The following SEMA5B variants were observed in gnomAD, a reference collection of about 807,000 sequenced individuals.
SEMA5B encodes the protein semaphorin-5B.
Under a neutral mutation model 135.0 loss-of-function variants are expected in SEMA5B, and 66 were observed. That is an observed-to-expected ratio of 0.49 (90% CI 0.40 to 0.60). The LOEUF (loss-of-function observed/expected upper bound fraction) is 0.60, where lower values mean the gene tolerates loss of function less well. Ranked by LOEUF, SEMA5B falls within the 20% of genes least tolerant of loss-of-function variation. The probability of loss-of-function intolerance (pLI) is 0.00; values close to 1 mark genes in which losing one functional copy is unlikely to be tolerated. For missense variants in SEMA5B, 1,501 were observed against 1,566.3 expected (o/e 0.96, Z 0.70); for synonymous variants, 690 against 639.5 (o/e 1.08, Z -1.19).
At chr3:122,981,112 G>A (rs886794549) in intron 1 of SEMA5B, among the ~76,000 whole-genome samples, 4 of 152,242 alleles carry the variant, frequency 2.6e-5, no homozygotes, top group African/African-American at 9.6e-5. Flanking sequence ...GCTCTTGCAG[G>A]CTGGTGTGTG....
chr3:122,915,710 T>C (rs2107618923), intron 13 of SEMA5B, 63 bp downstream of exon 13: 2 of 1,603,094 alleles, frequency 1.2e-6, no homozygotes, highest in South Asian at 2.2e-5. Flanking sequence ...GGAATATTGG[T>C]GGGGAGTCAT....
intron 1 of SEMA5B, among the ~76,000 whole-genome samples, chr3:122,997,524 C>CA (rs376584764): frequency 6.6e-6 from 1 of 151,374 alleles, no homozygotes; most frequent in Non-Finnish European, 1.5e-5. Context: ...CCTCTCCCCC[C>CA]CCCGTCTCCA....
At chr3:122,956,973 A>T (rs1397986287) in intron 2 of SEMA5B, among the ~76,000 whole-genome samples, 1 of 152,208 alleles carries the variant, frequency 6.6e-6, no homozygotes, top group Non-Finnish European at 1.5e-5. Flanking sequence ...GGCGAAGAGC[A>T]TTCCAGACAG....
intron 5 of SEMA5B, among the ~76,000 whole-genome samples, chr3:122,930,550 AG>A (rs1293981051): frequency 2.0e-5 from 3 of 152,272 alleles, no homozygotes; most frequent in Non-Finnish European, 4.4e-5. Flanking sequence ...GCAGTTGTGC[AG>A]GCCAAAAGCC....
chr3:123,000,509 C>A (rs1942141580), intron 1 of SEMA5B, among the ~76,000 whole-genome samples: 1 of 152,146 alleles, frequency 6.6e-6, no homozygotes, highest in Non-Finnish European at 1.5e-5. Flanking sequence ...TTGGCATGCA[C>A]CTGGCACTGT....
At position 123,027,749 on chromosome 3, in the gene SEMA5B, G is replaced by C. The variant is rs1354282364; in HGVS notation, c.-324C>G. The C allele has an allele frequency of 1.3e-5, 2 of 152,130 alleles. No homozygotes were observed. Among genetic ancestry groups the C allele is most frequent in the Non-Finnish European group, 2.9e-5 (2 of 68,036 alleles). 9.4% of individuals were successfully genotyped at this position (152,130 alleles called of 1,614,324 possible). On this transcript the variant is annotated 5_prime_UTR_variant, in exon 1 of 23. Transcript: ENST00000357599. ...CCAACTAGCTCCCGACCCGGCGCTC[G>C]GAGAGAGCAGGGAGGAGGAGACCGC...
At chr3:122,918,742 C>T (rs940589888) in intron 12 of SEMA5B, among the ~76,000 whole-genome samples, 2 of 152,298 alleles carry the variant, frequency 1.3e-5, no homozygotes, top group Non-Finnish European at 2.9e-5. Flanking sequence ...ACCCCTGAGG[C>T]TTCTTGAGGC....
chr3:122,999,200 A>G (rs1215060347), intron 1 of SEMA5B, among the ~76,000 whole-genome samples: 1 of 152,188 alleles, frequency 6.6e-6, no homozygotes, highest in Non-Finnish European at 1.5e-5. Flanking sequence ...CCCAGCTGGA[A>G]GAAAATATAA....
intron 1 of SEMA5B, among the ~76,000 whole-genome samples, chr3:122,973,680 C>T (rs1050938424): frequency 2.6e-5 from 4 of 152,060 alleles, no homozygotes; most frequent in Admixed American, 6.5e-5. Flanking sequence ...TGGAGCTGAA[C>T]GATGCTGCAA....
In SEMA5B at chr3:122,913,906, G is replaced by A; in HGVS notation, c.2084C>T (p.Ala695Val). 1 of 1,612,794 alleles carries A rather than the reference G, an allele frequency of 6.2e-7. No homozygotes were observed. The highest frequency in any genetic ancestry group is 8.5e-7 in the Non-Finnish European group (1 of 1,179,800). The part of the protein sequence containing the change: ...QVRQRSCSNP[A>V]PRHGGRICVG... ...GCAGATGCGGCCCCCGTGGCGGGGAGCAGGGTTGCTGCAACTTCGCTGGCG... is the reference window on the plus strand; with the variant it reads ...GCAGATGCGGCCCCCGTGGCGGGGAACAGGGTTGCTGCAACTTCGCTGGCG... Residue 695 changes from alanine (A) to valine (V), a missense_variant, in exon 15 of 23, where the codon GCT becomes GTT. By Grantham distance (64) the Ala-to-Val change is moderately conservative. Around this residue, in one of 2 missense-constraint regions of SEMA5B, gnomAD observed 927 missense variants for 881.6 expected, o/e 1.05. Coordinates refer to ENST00000357599, the MANE Select transcript of SEMA5B (RefSeq NM_001031702.4).
At chr3:123,008,953 C>G (rs980378074) in intron 1 of SEMA5B, among the ~76,000 whole-genome samples, 1 of 152,180 alleles carries the variant, frequency 6.6e-6, no homozygotes, top group Admixed American at 6.5e-5. Context: ...AGTGCCCTGC[C>G]TCCCACCACA....
intron 1 of SEMA5B, among the ~76,000 whole-genome samples, chr3:123,004,960 G>A (rs1942269411): frequency 6.6e-6 from 1 of 152,180 alleles, no homozygotes; most frequent in Admixed American, 6.5e-5. Flanking sequence ...AGAATACTCT[G>A]TAGGAAAAAC....
At chr3:122,913,491 A>T in intron 16 of SEMA5B, 43 bp downstream of exon 16, 8 of 1,589,160 alleles carry the variant, frequency 5.0e-6, no homozygotes, top group Non-Finnish European at 6.8e-6. Context: ...CCTCGGCTCC[A>T]GTACCCTACA....
chr3:122,998,515 C>T (rs368013913), intron 1 of SEMA5B, among the ~76,000 whole-genome samples: 43 of 152,238 alleles, frequency 2.8e-4, no homozygotes, highest in African/African-American at 8.7e-4. Flanking sequence ...AGCAGGTGAA[C>T]GTGTTCTGGA....
rs750152878 is a variant in SEMA5B, at chr3:122,923,642, A to G, written c.1247T>C (p.Ile416Thr). The G allele has an allele frequency of 1.9e-5, 31 of 1,614,020 alleles. No homozygotes were observed. The highest frequency in any genetic ancestry group is 2.4e-5 in the Non-Finnish European group (28 of 1,179,994). ...QENPRAAWLP[I>T]ANPIPNFQCG... The stretch of plus-strand genomic sequence containing the variant: ...CTGGAAATTGGGGATGGGGTTGGCT[A>G]TGGGGAGCCAGGCAGCCCTGGGGTT... Residue 416 changes from isoleucine (I) to threonine (T), a missense_variant, in exon 10 of 23, where the codon ATA becomes ACA. By Grantham distance (89) the Ile-to-Thr change is moderately conservative (BLOSUM62 -1). This residue lies in a region of SEMA5B where 574 missense variants were observed against 684.7 expected (regional missense o/e 0.84). Coordinates refer to ENST00000357599, the MANE Select transcript of SEMA5B (RefSeq NM_001031702.4).
intron 5 of SEMA5B, among the ~76,000 whole-genome samples, chr3:122,930,809 C>T (rs1334948462): frequency 6.6e-6 from 1 of 152,190 alleles, no homozygotes; most frequent in African/African-American, 2.4e-5. Flanking sequence ...CAGGGAAGAA[C>T]ACTAAAGTCC....
chr3:122,998,731 T>C (rs1409328446), intron 1 of SEMA5B, among the ~76,000 whole-genome samples: 2 of 152,198 alleles, frequency 1.3e-5, no homozygotes, highest in African/African-American at 2.4e-5. Context: ...GGGCTCTTTG[T>C]TCCCTCTTCC....
intron 22 of SEMA5B, 144 bp from the exon 23 acceptor site, chr3:122,910,445 G>A (rs1483658038): frequency 2.4e-6 from 2 of 819,452 alleles, no homozygotes; most frequent in Non-Finnish European, 3.9e-6. Flanking sequence ...CCACTGCCCA[G>A]TTCCACCCAG....
At chr3:123,028,428 T>A (rs574315199), upstream of SEMA5B, 1 of 152,242 alleles carries the variant, frequency 6.6e-6, no homozygotes, top group African/African-American at 2.4e-5. Context: ...AGCTGTAAAC[T>A]GGGGTTAGTA....
Sources: gnomAD v4.1 joint callset for allele counts (sites outside exome capture counted in the v4.1 genomes callset) on GRCh38, gnomAD v4.1.1 for gene constraint, gnomAD v4.1.1 regional missense constraint, MANE v1.5 for transcripts, NCBI Gene and HGNC (gene_info 2026-07-23, HGNC 2026-07-21) for gene names.